Variants in NRXN1 observed in about 807,000 individuals in gnomAD.
NRXN1 encodes neurexin-1.
NRXN1 carries 39 observed loss-of-function variants against 150.9 expected under a neutral mutation model. The ratio of observed to expected loss-of-function variants is 0.26; its 90% confidence interval spans 0.20 to 0.34. The LOEUF is 0.34. Ranked by LOEUF, NRXN1 falls within the 10% of genes least tolerant of loss-of-function variation. The pLI is 1.00. For missense variants in NRXN1, 1,815 were observed against 1,949.9 expected, an observed-to-expected ratio of 0.93 and a Z score of 1.30; for synonymous variants, 924 against 757.0, an observed-to-expected ratio of 1.22 and a Z score of -3.62.
At chr2:50,575,892 G>A (rs951397183) in intron 8 of NRXN1, among the ~76,000 whole-genome samples, 5 of 152,040 alleles carry the variant, frequency 3.3e-5, no homozygotes, top group African/African-American at 7.2e-5. Flanking sequence ...GCCCTCTCTC[G>A]TAACCAGAAA....
chr2:50,259,184 C>T (rs1367862084), intron 17 of NRXN1, among the ~76,000 whole-genome samples: 2 of 151,878 alleles, frequency 1.3e-5, no homozygotes, highest in African/African-American at 2.4e-5. Context: ...GAAGAAGATA[C>T]CTACATGGCA....
chr2:49,991,956 T>C (rs1268306292), intron 21 of NRXN1, among the ~76,000 whole-genome samples: 8 of 152,224 alleles, frequency 5.3e-5, no homozygotes, highest in African/African-American at 1.9e-4. Flanking sequence ...CAACTGATCT[T>C]TGATATAGAG....
chr2:50,152,497 C>G (rs555613220), intron 18 of NRXN1, among the ~76,000 whole-genome samples: 29 of 151,870 alleles, frequency 1.9e-4, no homozygotes, highest in African/African-American at 7.0e-4. Context: ...GTAACAAACC[C>G]TACTTACACT....
intron 5 of NRXN1, among the ~76,000 whole-genome samples, chr2:50,814,772 T>C (rs916953825): frequency 2.6e-5 from 4 of 152,214 alleles, no homozygotes; most frequent in African/African-American, 9.6e-5. Flanking sequence ...TTTATTCTTA[T>C]TCTCTCAAAA....
chr2:50,113,910 T>C (rs150293563), intron 18 of NRXN1, among the ~76,000 whole-genome samples: 156 of 152,276 alleles, frequency 1.0e-3, no homozygotes, highest in African/African-American at 3.7e-3. Context: ...AGTATCTCTA[T>C]GTACACAGGA....
intron 5 of NRXN1, among the ~76,000 whole-genome samples, chr2:50,715,039 T>C (rs1695688927): frequency 6.6e-6 from 1 of 152,162 alleles, no homozygotes; most frequent in Non-Finnish European, 1.5e-5. Context: ...GTGGACTGTT[T>C]ACTGGTAAAC....
intron 18 of NRXN1, among the ~76,000 whole-genome samples, chr2:50,228,611 T>C (rs2064635537): frequency 6.6e-6 from 1 of 152,010 alleles, no homozygotes; most frequent in Non-Finnish European, 1.5e-5. Flanking sequence ...CCGGCACTTA[T>C]TTGATAGCTA....
At chr2:50,650,400 T>C (rs1322436062) in intron 5 of NRXN1, among the ~76,000 whole-genome samples, 1 of 152,076 alleles carries the variant, frequency 6.6e-6, no homozygotes, top group African/African-American at 2.4e-5. Context: ...TCCGGTTTTA[T>C]GCTCTCTTCC....
Position 50,358,460 on chromosome 2 carries a change from C to T in NRXN1, c.3364+106982G>A, listed in dbSNP as rs528823760. ...TTCCCCTCACAATGTAAACAAAGCT[C>T]GTGGGAAGTTTGGACTGGGCAGAGC... is the stretch of plus-strand genomic sequence containing the variant. On this transcript the variant is annotated intron_variant, in intron 17 of 22. Coordinates refer to ENST00000401669, the MANE Select transcript of NRXN1 (RefSeq NM_001330078.2). 3.3e-5 allele frequency among the ~76,000 whole-genome samples: 5 copies of T among 152,292 alleles called. No homozygotes were observed. In the East Asian group the frequency reaches 5.8e-4, roughly 18 times the overall value.
chr2:49,979,526 G>T (rs956254240), intron 21 of NRXN1, among the ~76,000 whole-genome samples: 1 of 152,152 alleles, frequency 6.6e-6, no homozygotes, highest in African/African-American at 2.4e-5. Context: ...AGTGGCTGCT[G>T]AAGTTTTTTT....
At position 49,920,757 on chromosome 2, in the gene NRXN1, G is replaced by A. The variant is rs1443223066; in HGVS notation, c.*1187C>T. The A allele has an allele frequency of 1.3e-5, 2 of 151,554 alleles. No homozygotes were observed. Among genetic ancestry groups the A allele is most frequent in the Non-Finnish European group, 2.9e-5 (2 of 67,908 alleles). 9.4% of individuals were successfully genotyped at this position (151,554 alleles called of 1,614,324 possible). ...GTGTGTGTGTGTGAAAATAGTGAAT[G>A]TATGTGGGAATGTGAGTATTTCAGG... On this transcript the variant is annotated 3_prime_UTR_variant, in exon 23 of 23. Transcript: ENST00000401669.
chr2:50,576,494 C>G (rs968845451), intron 8 of NRXN1, among the ~76,000 whole-genome samples: 7 of 151,760 alleles, frequency 4.6e-5, no homozygotes, highest in African/African-American at 1.7e-4. Flanking sequence ...TCTTTTTTCC[C>G]CCTCATTTCA....
intron 12 of NRXN1, among the ~76,000 whole-genome samples, chr2:50,526,213 T>TA (rs1558881979): frequency 6.6e-6 from 1 of 152,148 alleles, no homozygotes; most frequent in Non-Finnish European, 1.5e-5. Flanking sequence ...CGTAATAACT[T>TA]AGAGTTTAAT....
intron 21 of NRXN1, among the ~76,000 whole-genome samples, chr2:49,985,884 T>C (rs572751895): frequency 1.3e-5 from 2 of 152,342 alleles, no homozygotes; most frequent in African/African-American, 4.8e-5. Flanking sequence ...TGACAACACA[T>C]TTCACATTCG....
chr2:50,951,899 T>C (rs1009268123), intron 2 of NRXN1, among the ~76,000 whole-genome samples: 1 of 148,744 alleles, frequency 6.7e-6, no homozygotes, highest in Non-Finnish European at 1.5e-5. Context: ...AACTGGATTA[T>C]CTATGAATTT....
At position 50,043,918 on chromosome 2, in the gene NRXN1, T is replaced by C. The variant is rs545418873; in HGVS notation, c.4128+9353A>G. 7.2e-5 allele frequency among the ~76,000 whole-genome samples: 11 copies of C among 152,134 alleles called. No homozygotes were observed. The South Asian group carries it at 2.1e-3, about 29-fold the overall frequency. On this transcript the variant is annotated intron_variant, in intron 21 of 22. Transcript: ENST00000401669. Reference sequence around the variant, plus strand: ...CTCTTATTTGAGATTTGGGTCATCATGTGTGAATCTGTAGTGTCTAGAATA... The same window carrying C: ...CTCTTATTTGAGATTTGGGTCATCACGTGTGAATCTGTAGTGTCTAGAATA...
At chr2:50,827,448 T>C (rs946533134) in intron 5 of NRXN1, among the ~76,000 whole-genome samples, 1 of 152,174 alleles carries the variant, frequency 6.6e-6, no homozygotes, top group Non-Finnish European at 1.5e-5. Context: ...CAAATGGCAT[T>C]ACTCTTAAAA....
chr2:50,133,025 G>C (rs1282457565), intron 18 of NRXN1, among the ~76,000 whole-genome samples: 1 of 152,158 alleles, frequency 6.6e-6, no homozygotes, highest in Non-Finnish European at 1.5e-5. Context: ...AAGAGATCCT[G>C]TTCCCTTAGG....
chr2:50,267,118 A>G (rs929751216), intron 17 of NRXN1, among the ~76,000 whole-genome samples: 1 of 152,214 alleles, frequency 6.6e-6, no homozygotes, highest in Non-Finnish European at 1.5e-5. Context: ...AAAAGAAATA[A>G]TAATCAGTTA....
Sources: gnomAD v4.1 joint callset for allele counts (sites outside exome capture counted in the v4.1 genomes callset) on GRCh38, gnomAD v4.1.1 for gene constraint, MANE v1.5 for transcripts, NCBI Gene and HGNC (gene_info 2026-07-23, HGNC 2026-07-21) for gene names.